Variants in PHF24 observed in about 807,000 individuals in gnomAD.
PHF24 encodes the protein Galpha inhibitory interacting protein.
A neutral mutation model predicts 42.6 loss-of-function variants in PHF24; 25 were observed. That is an observed-to-expected ratio of 0.59 (90% CI 0.43 to 0.82). The LOEUF is 0.82. PHF24 is among the 40% of genes least tolerant of loss of function. The pLI is 0.00. For synonymous variants in PHF24, 185 were observed against 204.8 expected, an observed-to-expected ratio of 0.90 and a Z score of 0.83; for missense variants, 470 against 538.1, an observed-to-expected ratio of 0.87 and a Z score of 1.25.
At chr9:34,966,102 A>G (rs891340160) in intron 1 of PHF24, among the ~76,000 whole-genome samples, 4 of 152,192 alleles carry the variant, frequency 2.6e-5, no homozygotes, top group African/African-American at 9.7e-5. Flanking sequence ...TTTGTAGTCT[A>G]TGTCACACAC....
At chr9:34,710,058 C>G in the PHF24 span, 1 of 1,613,678 alleles carries the variant, frequency 6.2e-7, no homozygotes, top group Non-Finnish European at 8.5e-7. Context: ...GAGCCAGTGA[C>G]TGAGCCATGT....
chr9:34,835,896 G>C, the PHF24 span: 1 of 905,252 alleles, frequency 1.1e-6, no homozygotes. Flanking sequence ...GGCAAGAGGA[G>C]ACCTGTGATG....
At chr9:34,722,992 G>C in the PHF24 span, 1 of 499,026 alleles carries the variant, frequency 2.0e-6, no homozygotes, top group Non-Finnish European at 3.4e-6. Context: ...GGACTTTTTA[G>C]CCTCCCTCAC....
At chr9:34,947,762 G>A in the PHF24 span, among the ~76,000 whole-genome samples, 1 of 152,036 alleles carries the variant, frequency 6.6e-6, no homozygotes, top group South Asian at 2.1e-4. Flanking sequence ...GTGCGTGTTC[G>A]TGTCTTCATT....
intron 3 of PHF24, among the ~76,000 whole-genome samples, chr9:34,973,684 A>G (rs1024321293): frequency 2.0e-5 from 3 of 152,220 alleles, no homozygotes; most frequent in African/African-American, 7.2e-5. Context: ...GTTATGGAAC[A>G]GCTATTTTCA....
chr9:34,714,723 T>A, the PHF24 span, among the ~76,000 whole-genome samples: 1 of 151,788 alleles, frequency 6.6e-6, no homozygotes, highest in Non-Finnish European at 1.5e-5. Flanking sequence ...CCCCTCTACC[T>A]CCCCTGGAGG....
At chr9:34,902,001 T>G in the PHF24 span, among the ~76,000 whole-genome samples, 1 of 152,188 alleles carries the variant, frequency 6.6e-6, no homozygotes, top group African/African-American at 2.4e-5. Flanking sequence ...GGAGGTATGT[T>G]ATTTGAAATT....
the PHF24 span, among the ~76,000 whole-genome samples, chr9:34,857,479 T>G: frequency 6.6e-6 from 1 of 152,158 alleles, no homozygotes; most frequent in Non-Finnish European, 1.5e-5. Flanking sequence ...TTTCAAAGAT[T>G]AGTGGGAAAA....
chr9:34,977,005 T>A, intron 5 of PHF24, 78 bp from the exon 6 acceptor site: 2 of 1,464,976 alleles, frequency 1.4e-6, no homozygotes, highest in Non-Finnish European at 1.8e-6. Flanking sequence ...GCAAAGGTGG[T>A]AATGGAGATA....
At chr9:34,770,887 G>T in the PHF24 span, among the ~76,000 whole-genome samples, 246 of 152,262 alleles carry the variant, frequency 1.6e-3, 1 homozygote, top group African/African-American at 5.7e-3. Context: ...GCTGAAGTGG[G>T]TGTATTACTT....
the PHF24 span, among the ~76,000 whole-genome samples, chr9:34,869,451 C>T: frequency 1.3e-5 from 2 of 152,174 alleles, no homozygotes; most frequent in African/African-American, 4.8e-5. Flanking sequence ...GTGATTCTGA[C>T]TGACGTGAGA....
chr9:34,972,651 C>A, intron 3 of PHF24, 120 bp downstream of exon 3: 1 of 915,674 alleles, frequency 1.1e-6, no homozygotes. Flanking sequence ...CGCGGTGGCT[C>A]ATGCCTGTAA....
the PHF24 span, among the ~76,000 whole-genome samples, chr9:34,857,181 C>G: frequency 6.6e-6 from 1 of 152,334 alleles, no homozygotes; most frequent in East Asian, 1.9e-4. Context: ...TATCTCCAGC[C>G]TGCTGCCACT....
intron 3 of PHF24, among the ~76,000 whole-genome samples, chr9:34,972,999 T>C (rs1827058423): frequency 6.6e-6 from 1 of 152,090 alleles, no homozygotes; most frequent in Non-Finnish European, 1.5e-5. Context: ...CAGTACATTT[T>C]AGGCTGGCTA....
At chr9:34,976,994 T>G (rs970529890) in intron 5 of PHF24, 89 bp from the exon 6 acceptor site, 9 of 1,427,794 alleles carry the variant, frequency 6.3e-6, no homozygotes, top group Non-Finnish European at 7.6e-6. Context: ...TAAGGGAGGT[T>G]GCAAAGGTGG....
the PHF24 span, among the ~76,000 whole-genome samples, chr9:34,797,810 C>G: frequency 1.3e-5 from 2 of 152,062 alleles, no homozygotes; most frequent in Non-Finnish European, 2.9e-5. Context: ...AATCAAAATG[C>G]CTGTCTTCAC....
chr9:34,761,649 T>TAG, the PHF24 span, among the ~76,000 whole-genome samples: 2 of 152,130 alleles, frequency 1.3e-5, no homozygotes, highest in Non-Finnish European at 2.9e-5. Context: ...TATGGCATGG[T>TAG]AGAGAGAGAG....
At chr9:34,857,971 G>GTTTTTTTTTTTTTTTTTTT in the PHF24 span, among the ~76,000 whole-genome samples, 1 of 109,806 alleles carries the variant, frequency 9.1e-6, no homozygotes, top group Non-Finnish European at 1.8e-5. Flanking sequence ...TTGTTTCTCT[G>GTTTTTTTTTTTTTTTTTTT]GTTTTTTTTT....
rs760811104 is a variant in PHF24 at position 34,971,325 on chromosome 9, G to C, written c.27G>C (p.Gln9His). Residue 9 changes from glutamine to histidine, a missense_variant, in exon 2 of 8, where the codon CAG becomes CAC. Physicochemically the swap from Gln to His is conservative, Grantham distance 24 (BLOSUM62 0). Transcript: ENST00000242315. Reference sequence around the variant, plus strand: ...TGGGGGTGTTGATGTCCAAGCGGCAGACAGTGGAGCAGGTGCAGAAGGTGA... The same window carrying C: ...TGGGGGTGTTGATGTCCAAGCGGCACACAGTGGAGCAGGTGCAGAAGGTGA... 2.5e-6 allele frequency: 4 copies of C among 1,609,246 alleles called. No individual in the cohort carries two copies. The Admixed American group carries it at 6.7e-5, about 27-fold the overall frequency.
Sources: gnomAD v4.1 joint callset for allele counts (sites outside exome capture counted in the v4.1 genomes callset) on GRCh38, gnomAD v4.1.1 for gene constraint, MANE v1.5 for transcripts, NCBI Gene and HGNC (gene_info 2026-07-23, HGNC 2026-07-21) for gene names.